SLIT1: variants seen among roughly 807,000 people sequenced by gnomAD.
SLIT1 encodes the protein slit homolog 1 protein.
SLIT1 carries 66 observed loss-of-function variants against 186.1 expected under a neutral mutation model. The observed-to-expected ratio is 0.35, with a 90% CI of 0.29 to 0.44. The LOEUF (loss-of-function observed/expected upper bound fraction) is 0.44. Ranked by LOEUF, SLIT1 falls within the 20% of genes least tolerant of loss-of-function variation. The pLI is 1.00. For missense variants in SLIT1, 1,638 were observed against 2,037.4 expected (o/e 0.80, Z 3.77); for synonymous variants, 761 against 833.8 (o/e 0.91, Z 1.50).
At chr10:97,012,470 G>A (rs74153744) in intron 30 of SLIT1, among the ~76,000 whole-genome samples, 2,339 of 152,282 alleles carry the variant, frequency 0.015, 53 homozygotes, top group African/African-American at 0.05. Flanking sequence ...CGCACTCAAC[G>A]CTCCACTGTG....
chr10:97,120,646 C>CTGT (rs1849552531), intron 4 of SLIT1, among the ~76,000 whole-genome samples: 2 of 152,210 alleles, frequency 1.3e-5, no homozygotes, highest in Admixed American at 1.3e-4. Context: ...CAGGCTAAGT[C>CTGT]ACCCACCCTC....
At chr10:97,112,694 T>G (rs1037690137) in intron 4 of SLIT1, among the ~76,000 whole-genome samples, 7 of 152,228 alleles carry the variant, frequency 4.6e-5, no homozygotes, top group Non-Finnish European at 8.8e-5. Flanking sequence ...GTTATTAATT[T>G]GTTTTTTGTT....
intron 4 of SLIT1, among the ~76,000 whole-genome samples, chr10:97,073,765 G>A (rs933638749): frequency 1.3e-5 from 2 of 151,588 alleles, no homozygotes; most frequent in African/African-American, 4.9e-5. Context: ...GTGTGGTCTC[G>A]GGCAAGTCAT....
chr10:97,014,366 A>G (rs1436362422), intron 28 of SLIT1, among the ~76,000 whole-genome samples: 2 of 152,104 alleles, frequency 1.3e-5, no homozygotes, highest in African/African-American at 2.4e-5. Context: ...CTAAAAGGAG[A>G]TGGATGGCGA....
intron 4 of SLIT1, among the ~76,000 whole-genome samples, chr10:97,116,672 G>T (rs756992871): frequency 6.6e-6 from 1 of 152,170 alleles, no homozygotes; most frequent in South Asian, 2.1e-4. Context: ...CCATGCAGTC[G>T]GGCTCCCCAG....
At position 97,043,346 on chromosome 10, in the gene SLIT1, G is replaced by A. The variant is rs72819894; in HGVS notation, c.1997+24C>T. 16,953 of 1,612,308 alleles carry A rather than the reference G, an allele frequency of 0.011. 123 individuals are homozygous for A. Among genetic ancestry groups the A allele is most frequent in the Non-Finnish European group, 0.013 (14,815 of 1,179,564 alleles). ...GACGGTTGCTCCAGAGCCCCCGCCC[G>A]CCTGTCCTGGAGGCCGGACTCACAG... is the stretch of plus-strand genomic sequence containing the variant. On this transcript the variant is annotated intron_variant, in intron 19 of 36. Coordinates refer to ENST00000266058, the MANE Select transcript of SLIT1 (RefSeq NM_003061.3). This position sits in a 1 kb window ranked among gnomAD's most constrained non-coding sequence, Gnocchi z 7.0.
intron 4 of SLIT1, among the ~76,000 whole-genome samples, chr10:97,108,224 G>C (rs1171274184): frequency 1.3e-5 from 2 of 152,188 alleles, no homozygotes; most frequent in Non-Finnish European, 2.9e-5. Flanking sequence ...CAGCAGGGGA[G>C]GTGGGTAGGA....
Position 97,184,402 on chromosome 10 carries a change from C to A in SLIT1, c.197+1076G>T, listed in dbSNP as rs1850382945. On this transcript the variant is annotated intron_variant, in intron 1 of 36. Transcript: ENST00000266058. This position sits in a 1 kb window ranked among gnomAD's most constrained non-coding sequence, Gnocchi z 4.4. ...CTCCTGGTGTAGTCACCTCTGCGAG[C>A]AGTACAAAGGCCCTGCATGTGACCA... is the stretch of plus-strand genomic sequence containing the variant. Among the ~76,000 whole-genome samples, 1 of 152,120 alleles carries A rather than the reference C, an allele frequency of 6.6e-6. No individual in the cohort carries two copies. Among genetic ancestry groups the A allele is most frequent in the Non-Finnish European group, 1.5e-5 (1 of 68,014 alleles).
chr10:97,040,259 A>C (rs1589371449), intron 20 of SLIT1, 139 bp from the exon 21 acceptor site: 1 of 860,194 alleles, frequency 1.2e-6, no homozygotes, highest in East Asian at 3.2e-5. Flanking sequence ...AAGTCTGTGC[A>C]CTACACCTCC....
intron 4 of SLIT1, among the ~76,000 whole-genome samples, chr10:97,155,909 A>T (rs959385345): frequency 6.6e-6 from 1 of 152,246 alleles, no homozygotes. Context: ...TGCTGGGGCC[A>T]AGGCAGGGCA....
intron 4 of SLIT1, among the ~76,000 whole-genome samples, chr10:97,078,042 A>C (rs1849062392): frequency 6.6e-6 from 1 of 152,138 alleles, no homozygotes; most frequent in Non-Finnish European, 1.5e-5. Context: ...AGGAGGTGGA[A>C]GCTGCAGTAA....
At chr10:97,100,245 G>A (rs1341060779) in intron 4 of SLIT1, among the ~76,000 whole-genome samples, 1 of 152,162 alleles carries the variant, frequency 6.6e-6, no homozygotes, top group African/African-American at 2.4e-5. Context: ...AGTGGATGAG[G>A]GGACCATCAG....
At chr10:97,152,179 G>C (rs11189015) in intron 4 of SLIT1, among the ~76,000 whole-genome samples, 16,807 of 152,122 alleles carry the variant, frequency 0.11, 1,637 homozygotes, top group African/African-American at 0.26. Flanking sequence ...CCAAGGTCAC[G>C]GCCCTCCTGC....
At chr10:97,079,921 G>A (rs980309142) in intron 4 of SLIT1, among the ~76,000 whole-genome samples, 11 of 152,152 alleles carry the variant, frequency 7.2e-5, no homozygotes, top group African/African-American at 2.7e-4. Context: ...GAGAGCCAGG[G>A]CTGGAGTATG....
intron 4 of SLIT1, chr10:97,103,296 C>A (rs1219223594): frequency 6.6e-6 from 1 of 152,274 alleles, no homozygotes; most frequent in Non-Finnish European, 1.5e-5. Context: ...CAAACAGGGT[C>A]TCTTGCTTCC....
At chr10:97,056,589 C>T (rs1393072752) in intron 12 of SLIT1, 125 bp from the exon 13 acceptor site, 2 of 1,027,782 alleles carry the variant, frequency 1.9e-6, no homozygotes, top group Non-Finnish European at 2.9e-6. Flanking sequence ...GGAGCAGGCC[C>T]AGGGAATCTG....
intron 4 of SLIT1, among the ~76,000 whole-genome samples, chr10:97,125,765 G>C (rs559746301): frequency 1.2e-4 from 18 of 152,202 alleles, no homozygotes; most frequent in African/African-American, 4.3e-4. Flanking sequence ...TTTGAAACCA[G>C]GAGGCAGAGG....
At chr10:97,019,542 T>C (rs952621427) in intron 26 of SLIT1, among the ~76,000 whole-genome samples, 1 of 152,134 alleles carries the variant, frequency 6.6e-6, no homozygotes, top group Admixed American at 6.5e-5. Context: ...GGTGGTCACC[T>C]CGGCAGAGAG....
intron 4 of SLIT1, among the ~76,000 whole-genome samples, chr10:97,129,280 T>C (rs1380551646): frequency 1.3e-5 from 2 of 151,712 alleles, no homozygotes; most frequent in African/African-American, 4.9e-5. Context: ...TGTGTGCCTG[T>C]AATCCCAGCT....
Sources: gnomAD v4.1 joint callset for allele counts (sites outside exome capture counted in the v4.1 genomes callset) on GRCh38, gnomAD v4.1.1 for gene constraint, Gnocchi (gnomAD v3.1) non-coding constraint, MANE v1.5 for transcripts, NCBI Gene and HGNC (gene_info 2026-07-23, HGNC 2026-07-21) for gene names.